The following NOPCHAP1 variants were observed in gnomAD, a reference collection of about 807,000 sequenced individuals.
NOPCHAP1 encodes the protein DNA damage-sensitive RNA 1.
Under a neutral mutation model 14.0 loss-of-function variants are expected in NOPCHAP1, and 13 were observed. The ratio of observed to expected loss-of-function variants is 0.93; its 90% CI spans 0.60 to 1.47. NOPCHAP1 has a LOEUF of 1.47. NOPCHAP1 is among the 40% of genes most tolerant of loss of function. NOPCHAP1 has a pLI of 0.00. For missense variants in NOPCHAP1, 230 were observed against 226.9 expected, an observed-to-expected ratio of 1.01 and a Z score of -0.09; for synonymous variants, 78 against 78.4, an observed-to-expected ratio of 1.00 and a Z score of 0.03.
At chr12:104,994,379 C>A in intron 3 of NOPCHAP1, 99 bp from the exon 4 acceptor site, 1 of 1,113,022 alleles carries the variant, frequency 9.0e-7, no homozygotes, top group Non-Finnish European at 1.4e-6. Flanking sequence ...CTTTATGTTT[C>A]AATATGTTTG....
intron 1 of NOPCHAP1, 47 bp downstream of exon 1, chr12:104,986,514 G>C: frequency 6.7e-7 from 1 of 1,493,212 alleles, no homozygotes; most frequent in Non-Finnish European, 9.1e-7. Flanking sequence ...TGCGGCAGAG[G>C]AGGCGCGGCC....
rs1169424420 is a variant in NOPCHAP1, at chr12:105,006,925, GT to G, written c.*12232del. ...GTACTTCTGTTTGTATTTAAAACCT[GT>G]TTGAGAAGATATCCTTTCTTCTCCA... On this transcript the variant is annotated 3_prime_UTR_variant, in exon 4 of 4. Coordinates refer to ENST00000552951, the MANE Select transcript of NOPCHAP1 (RefSeq NM_152318.3). 6.6e-6 allele frequency: 1 copy of G among 151,322 alleles called. No individual in the cohort carries two copies. The highest frequency in any genetic ancestry group is 1.5e-5 in the Non-Finnish European group (1 of 67,890). The allele number at this position is 151,322 out of a possible 1,614,324, so 9.4% of individuals were successfully genotyped here. A position where few individuals can be genotyped will look rare whatever the true frequency, so the allele number is the denominator to read the frequency against.
At chr12:104,992,474 G>A (rs112272979) in intron 3 of NOPCHAP1, among the ~76,000 whole-genome samples, 1 of 152,300 alleles carries the variant, frequency 6.6e-6, no homozygotes, top group African/African-American at 2.4e-5. Flanking sequence ...CGTTCACTGT[G>A]CCTTCCCTGG....
At chr12:104,991,635 C>A in intron 2 of NOPCHAP1, 77 bp from the exon 3 acceptor site, 1 of 1,389,656 alleles carries the variant, frequency 7.2e-7, no homozygotes, top group Non-Finnish European at 9.7e-7. Flanking sequence ...ATACTCAATT[C>A]AGAAGTGTTT....
In NOPCHAP1 at chr12:105,014,618, A is replaced by G. The variant is rs779875359; in HGVS notation, c.*19922A>G. 15 of 152,024 alleles carry G rather than the reference A, an allele frequency of 9.9e-5. No individual in the cohort carries two copies. The highest frequency in any genetic ancestry group is 2.1e-4 in the Non-Finnish European group (14 of 68,018). The allele number at this position is 152,024 out of a possible 1,614,324, so 9.4% of individuals were successfully genotyped here. A position where few individuals can be genotyped will look rare whatever the true frequency, so the allele number is the denominator to read the frequency against. Reference sequence around the variant, plus strand: ...ACTGTTGGTGACAGTGCAGTCATACAATGCATGCAGAATTTACTGGTTGGA... The same window carrying G: ...ACTGTTGGTGACAGTGCAGTCATACGATGCATGCAGAATTTACTGGTTGGA... On this transcript the variant is annotated 3_prime_UTR_variant, in exon 4 of 4. Coordinates refer to ENST00000552951, the MANE Select transcript of NOPCHAP1 (RefSeq NM_152318.3).
In NOPCHAP1 at chr12:105,002,418, G is replaced by A. The variant is rs566096248; in HGVS notation, c.*7722G>A. On this transcript the variant is annotated 3_prime_UTR_variant, in exon 4 of 4. Coordinates refer to ENST00000552951, the MANE Select transcript of NOPCHAP1 (RefSeq NM_152318.3). ...AATAGAGCAGTTAATCCTGTTTCAGGCACTGCCAGAAGTATCCCTTGGTGT... is the reference window on the plus strand; with the variant it reads ...AATAGAGCAGTTAATCCTGTTTCAGACACTGCCAGAAGTATCCCTTGGTGT... 7 of 152,148 alleles carry A rather than the reference G, an allele frequency of 4.6e-5. No individual in the cohort carries two copies. The East Asian group carries it at 1.3e-3, about 29-fold the overall frequency. 9.4% of individuals were successfully genotyped at this position (152,148 alleles called of 1,614,324 possible). A position where few individuals can be genotyped will look rare whatever the true frequency, so the allele number is the denominator to read the frequency against.
Position 104,994,730 on chromosome 12 carries a change from T to C in NOPCHAP1, c.*34T>C, listed in dbSNP as rs748498088. 6.5e-7 allele frequency: 1 copy of C among 1,537,160 alleles called. No individual in the cohort carries two copies. The highest frequency in any genetic ancestry group is 1.8e-5 in the Admixed American group (1 of 56,648). On this transcript the variant is annotated 3_prime_UTR_variant, in exon 4 of 4. Coordinates refer to ENST00000552951, the MANE Select transcript of NOPCHAP1 (RefSeq NM_152318.3). Reference sequence around the variant, plus strand: ...ATTATCTGAAAAGAAACAGGTGACATATGTCTGCAAATTCTGTGAAAAAGA... The same window carrying C: ...ATTATCTGAAAAGAAACAGGTGACACATGTCTGCAAATTCTGTGAAAAAGA...
At position 105,007,709 on chromosome 12, in the gene NOPCHAP1, A is replaced by G. The variant is rs1462086941; in HGVS notation, c.*13013A>G. 1 of 127,998 alleles carries G rather than the reference A, an allele frequency of 7.8e-6. No individual in the cohort carries two copies. The highest frequency in any genetic ancestry group is 1.6e-5 in the Non-Finnish European group (1 of 62,410). 7.9% of individuals were successfully genotyped at this position (127,998 alleles called of 1,614,324 possible). On this transcript the variant is annotated 3_prime_UTR_variant, in exon 4 of 4. Transcript: ENST00000552951. ...GTGTGATGTTCCCCTCCCTGTGTCC[A>G]TGTGTTCTCATTGTTCAACTCCCAC...
chr12:105,000,408 C>G lies in NOPCHAP1; in HGVS notation c.*5712C>G, dbSNP rs1190715201. 6.6e-6 allele frequency: 1 copy of G among 152,168 alleles called. No homozygotes were observed. 9.4% of individuals were successfully genotyped at this position (152,168 alleles called of 1,614,324 possible). A position where few individuals can be genotyped will look rare whatever the true frequency, so the allele number is the denominator to read the frequency against. The stretch of plus-strand genomic sequence containing the variant: ...TTCCTGGTTTTTACCCATTAGCCCA[C>G]AAACCCAAACAGTTGCTCTGTTTTT... On this transcript the variant is annotated 3_prime_UTR_variant, in exon 4 of 4. Coordinates refer to ENST00000552951, the MANE Select transcript of NOPCHAP1 (RefSeq NM_152318.3).
At chr12:104,993,763 G>A (rs889031050) in intron 3 of NOPCHAP1, among the ~76,000 whole-genome samples, 1 of 152,096 alleles carries the variant, frequency 6.6e-6, no homozygotes, top group African/African-American at 2.4e-5. Flanking sequence ...GTAGGCGGTG[G>A]GCAGGATTTG....
At chr12:104,990,680 T>C (rs1873355825) in intron 2 of NOPCHAP1, among the ~76,000 whole-genome samples, 2 of 152,184 alleles carry the variant, frequency 1.3e-5, no homozygotes, top group Admixed American at 1.3e-4. Flanking sequence ...AAAATAAATA[T>C]CCTTGTTTGT....
In NOPCHAP1 at chr12:105,016,454, C is replaced by T. The variant is rs1184889284; in HGVS notation, c.*21758C>T. On this transcript the variant is annotated 3_prime_UTR_variant, in exon 4 of 4. Coordinates refer to ENST00000552951, the MANE Select transcript of NOPCHAP1 (RefSeq NM_152318.3). ...CTTTATTGTATGTATGCGTATTAGTCTGTTCTCACACTGCTAATAAAGACA... is the reference window on the plus strand; with the variant it reads ...CTTTATTGTATGTATGCGTATTAGTTTGTTCTCACACTGCTAATAAAGACA... 3 of 152,374 alleles carry T rather than the reference C, an allele frequency of 2.0e-5. No individual in the cohort carries two copies. The highest frequency in any genetic ancestry group is 4.4e-5 in the Non-Finnish European group (3 of 68,236). 9.4% of individuals were successfully genotyped at this position (152,374 alleles called of 1,614,324 possible). A position where few individuals can be genotyped will look rare whatever the true frequency, so the allele number is the denominator to read the frequency against.
At chr12:104,987,358 C>A (rs1426712761) in intron 1 of NOPCHAP1, among the ~76,000 whole-genome samples, 1 of 152,116 alleles carries the variant, frequency 6.6e-6, no homozygotes, top group Non-Finnish European at 1.5e-5. Flanking sequence ...GGTAATTTAC[C>A]TTCTGGAGAT....
chr12:105,016,192 T>G lies in NOPCHAP1; in HGVS notation c.*21496T>G, dbSNP rs948657239. On this transcript the variant is annotated 3_prime_UTR_variant, in exon 4 of 4. Transcript: ENST00000552951. ...TTACATTTTAGAAAAAAATGACGGA[T>G]ATCTCAGTAGTGAAAAGACTATAGG... 1 of 152,156 alleles carries G rather than the reference T, an allele frequency of 6.6e-6. No homozygotes were observed. The highest frequency in any genetic ancestry group is 6.5e-5 in the Admixed American group (1 of 15,278). The allele number at this position is 152,156 out of a possible 1,614,324, so 9.4% of individuals were successfully genotyped here. A position where few individuals can be genotyped will look rare whatever the true frequency, so the allele number is the denominator to read the frequency against.
rs1873682829 is a variant in NOPCHAP1, at chr12:105,005,128, A to G, written c.*10432A>G. On this transcript the variant is annotated 3_prime_UTR_variant, in exon 4 of 4. Transcript: ENST00000552951. ...GCATACTCATTGTAACTTTATGGAA[A>G]TACATTGTAATTTCTGTCTGACTTT... The G allele has an allele frequency of 6.6e-6, 1 of 152,022 alleles. No homozygotes were observed. The highest frequency in any genetic ancestry group is 1.5e-5 in the Non-Finnish European group (1 of 68,046). The allele number at this position is 152,022 out of a possible 1,614,324, so 9.4% of individuals were successfully genotyped here.
chr12:105,002,336 C>T lies in NOPCHAP1; in HGVS notation c.*7640C>T, dbSNP rs1398613816. On this transcript the variant is annotated 3_prime_UTR_variant, in exon 4 of 4. Transcript: ENST00000552951. ...CAATTCAATCATATCTATAACCTCCCATCCTGGTTTGTGTTTTTTATTCAG... is the reference window on the plus strand; with the variant it reads ...CAATTCAATCATATCTATAACCTCCTATCCTGGTTTGTGTTTTTTATTCAG... 6.6e-6 allele frequency: 1 copy of T among 152,150 alleles called. No individual in the cohort carries two copies. Among genetic ancestry groups the T allele is most frequent in the African/African-American group, 2.4e-5 (1 of 41,430 alleles). 9.4% of individuals were successfully genotyped at this position (152,150 alleles called of 1,614,324 possible). A position where few individuals can be genotyped will look rare whatever the true frequency, so the allele number is the denominator to read the frequency against.
In NOPCHAP1 at chr12:105,006,912, G is replaced by A. The variant is rs1873720730; in HGVS notation, c.*12216G>A. On this transcript the variant is annotated 3_prime_UTR_variant, in exon 4 of 4. Coordinates refer to ENST00000552951, the MANE Select transcript of NOPCHAP1 (RefSeq NM_152318.3). ...TTTCCAGATGAGGGTACTTCTGTTT[G>A]TATTTAAAACCTGTTTGAGAAGATA... is the stretch of plus-strand genomic sequence containing the variant. 1 of 151,238 alleles carries A rather than the reference G, an allele frequency of 6.6e-6. No individual in the cohort carries two copies. Among genetic ancestry groups the A allele is most frequent in the Non-Finnish European group, 1.5e-5 (1 of 67,874 alleles). The allele number at this position is 151,238 out of a possible 1,614,324, so 9.4% of individuals were successfully genotyped here.
At chr12:104,988,342 A>G in intron 2 of NOPCHAP1, 89 bp downstream of exon 2, 1 of 1,006,516 alleles carries the variant, frequency 9.9e-7, no homozygotes, top group South Asian at 1.5e-5. Context: ...ATTGTCAGGT[A>G]TCAAACCACA....
intron 3 of NOPCHAP1, among the ~76,000 whole-genome samples, chr12:104,992,881 C>T (rs371860276): frequency 1.1e-4 from 16 of 152,280 alleles, no homozygotes; most frequent in African/African-American, 1.7e-4. Context: ...GAAGAATTTT[C>T]TTCCACAAAA....
Sources: gnomAD v4.1 joint callset for allele counts (sites outside exome capture counted in the v4.1 genomes callset) on GRCh38, gnomAD v4.1.1 for gene constraint, MANE v1.5 for transcripts, NCBI Gene and HGNC (gene_info 2026-07-23, HGNC 2026-07-21) for gene names.